SMARCA4: variants seen among roughly 807,000 people sequenced by gnomAD.
SMARCA4 encodes the protein SWI/SNF-related matrix-associated actin-dependent regulator of chromatin subfamily A member 4.
SMARCA4 carries 31 observed loss-of-function variants against 193.9 expected under a neutral mutation model. That is an observed-to-expected ratio of 0.16 (90% CI 0.12 to 0.22). SMARCA4 has a LOEUF of 0.22. SMARCA4 is among the 10% of genes least tolerant of loss of function. SMARCA4 has a pLI of 1.00. For synonymous variants in SMARCA4, 942 were observed against 933.1 expected (o/e 1.01, Z -0.17); for missense variants, 1,148 against 2,296.0 (o/e 0.50, Z 10.22).
chr19:11,020,333 G>A (rs915329215), intron 18 of SMARCA4, among the ~76,000 whole-genome samples: 1 of 152,118 alleles, frequency 6.6e-6, no homozygotes, highest in African/African-American at 2.4e-5. Context: ...CCTCATTTGA[G>A]GAGGGGTAAA....
At chr19:11,011,046 G>A in intron 15 of SMARCA4, 1 of 225,492 alleles carries the variant, frequency 4.4e-6, no homozygotes, top group East Asian at 9.9e-5. Flanking sequence ...GTGTGAGGGT[G>A]AAAAGTTGGT....
chr19:11,017,797 A>G (rs1600242447), intron 16 of SMARCA4, among the ~76,000 whole-genome samples: 1 of 152,190 alleles, frequency 6.6e-6, no homozygotes, highest in African/African-American at 2.4e-5. Context: ...GCCATCAGGG[A>G]CCCAGCCTCC....
chr19:11,005,512 T>G (rs1192778373), intron 13 of SMARCA4, among the ~76,000 whole-genome samples: 4 of 152,296 alleles, frequency 2.6e-5, no homozygotes, highest in Non-Finnish European at 5.9e-5. Flanking sequence ...CATTGTCGGG[T>G]TCTCCCTGGC....
chr19:11,022,490 T>C (rs1311991798), intron 19 of SMARCA4, among the ~76,000 whole-genome samples: 3 of 152,230 alleles, frequency 2.0e-5, no homozygotes, highest in Admixed American at 6.5e-5. Flanking sequence ...AGCATCATCA[T>C]TGATGAGTGG....
At chr19:11,060,354 G>T in intron 34 of SMARCA4, 167 bp downstream of exon 34, 1 of 845,364 alleles carries the variant, frequency 1.2e-6, no homozygotes, top group South Asian at 1.6e-5. Context: ...CCAGTATGTG[G>T]CAGGGCTGCC....
Position 11,041,215 on chromosome 19 carries a change from C to T in SMARCA4, c.4171-92C>T, listed in dbSNP as rs919558400. On this transcript the variant is annotated intron_variant, in intron 29 of 34. Transcript: ENST00000344626. This position sits in a 1 kb window ranked among gnomAD's most constrained non-coding sequence, Gnocchi z 5.6. Reference sequence around the variant, plus strand: ...GAGAGCGGGTGCGGGGGCCCTCCTCCGTGTCCCAGCCCGGCCCCTGGGATT... The same window carrying T: ...GAGAGCGGGTGCGGGGGCCCTCCTCTGTGTCCCAGCCCGGCCCCTGGGATT... 2.1e-5 allele frequency: 29 copies of T among 1,402,392 alleles called. No homozygotes were observed. Among genetic ancestry groups the T allele is most frequent in the East Asian group, 4.6e-5 (2 of 43,474 alleles). 86.9% of individuals were successfully genotyped at this position (1,402,392 alleles called of 1,614,324 possible). A position where few individuals can be genotyped will look rare whatever the true frequency, so the allele number is the denominator to read the frequency against.
chr19:11,058,501 G>A lies in SMARCA4; in HGVS notation c.4533+138G>A. The A allele has an allele frequency of 1.4e-6, 1 of 734,940 alleles. No homozygotes were observed. Among genetic ancestry groups the A allele is most frequent in the Non-Finnish European group, 2.4e-6 (1 of 414,046 alleles). 45.5% of individuals were successfully genotyped at this position (734,940 alleles called of 1,614,324 possible). A position where few individuals can be genotyped will look rare whatever the true frequency, so the allele number is the denominator to read the frequency against. ...GCGGTGCCTTGGGCTACCTGGTTAGGGACCTGGTCGTGGGCTTTTGGGGTT... is the reference window on the plus strand; with the variant it reads ...GCGGTGCCTTGGGCTACCTGGTTAGAGACCTGGTCGTGGGCTTTTGGGGTT... On this transcript the variant is annotated intron_variant, in intron 31 of 34. Coordinates refer to ENST00000344626, the MANE Select transcript of SMARCA4 (RefSeq NM_003072.5). This position sits in a 1 kb window ranked among gnomAD's most constrained non-coding sequence, Gnocchi z 5.8.
At position 10,986,995 on chromosome 19, in the gene SMARCA4, G is replaced by T. The variant is rs2145798042; in HGVS notation, c.851G>T (p.Trp284Leu). The T allele has an allele frequency of 6.2e-7, 1 of 1,603,902 alleles. No homozygotes were observed. ...GQPPGGPPKP[W>L]PEGPMANAAA... ...CCTCCTGGAGGGCCTCCCAAGCCCT[G>T]GCCTGAAGGTGAGCTCCCTCTTCTA... The change falls in exon 5 of 35, where the codon TGG becomes TTG. Residue 284 changes from tryptophan (W) to leucine (L), a missense_variant. By Grantham distance (61) the Trp-to-Leu change is moderately conservative. Around this residue, in one of 17 missense-constraint regions of SMARCA4, gnomAD observed 257 missense variants for 276.5 expected, o/e 0.93. Transcript: ENST00000344626. This position sits in a 1 kb window ranked among gnomAD's most constrained non-coding sequence, Gnocchi z 6.7.
At chr19:11,057,275 C>A (rs898039823) in intron 30 of SMARCA4, among the ~76,000 whole-genome samples, 1 of 152,226 alleles carries the variant, frequency 6.6e-6, no homozygotes, top group African/African-American at 2.4e-5. Flanking sequence ...TCCCCACCCA[C>A]CCTGTCCTGC....
chr19:11,024,375 G>A lies in SMARCA4; in HGVS notation c.3018G>A (p.Val1006=), dbSNP rs752405804. ...IKCDMSALQR[V]LYRHMQAKGV... ...GCGACATGTCTGCGCTGCAGCGAGT[G>A]CTCTACCGCCACATGCAGGCCAAGG... Residue 1006 remains valine (V), a synonymous_variant, in exon 21 of 35, where the codon GTG becomes GTA. Coordinates refer to ENST00000344626, the MANE Select transcript of SMARCA4 (RefSeq NM_003072.5). 8 of 1,613,054 alleles carry A rather than the reference G, an allele frequency of 5.0e-6. No homozygotes were observed. In the African/African-American group the frequency reaches 1.1e-4, roughly 22 times the overall value.
intron 30 of SMARCA4, among the ~76,000 whole-genome samples, chr19:11,046,407 A>G (rs1206670150): frequency 6.6e-6 from 1 of 152,194 alleles, no homozygotes; most frequent in African/African-American, 2.4e-5. Context: ...AGGATGCCTC[A>G]GTGGGGGATT....
intron 11 of SMARCA4, among the ~76,000 whole-genome samples, chr19:10,999,277 C>A (rs2087394845): frequency 6.6e-6 from 1 of 152,060 alleles, no homozygotes; most frequent in South Asian, 2.1e-4. Context: ...TGCTAGTGGG[C>A]CATCACTGCT....
intron 16 of SMARCA4, chr19:11,015,861 A>G (rs2089306147): frequency 1.3e-5 from 2 of 152,110 alleles, no homozygotes; most frequent in African/African-American, 4.8e-5. Context: ...ACAAAAAAAA[A>G]TTAGCCAGGC....
chr19:10,981,050 C>T (rs1321502187), intron 1 of SMARCA4, among the ~76,000 whole-genome samples: 1 of 152,208 alleles, frequency 6.6e-6, no homozygotes, highest in East Asian at 1.9e-4. Flanking sequence ...TTGTATTTTG[C>T]TGTCAGTTTC....
Position 11,019,335 on chromosome 19 carries a change from C to T in SMARCA4, c.2506-256C>T, listed in dbSNP as rs980848245. ...TCAGCCACCAGGAATGTGCAGATGG[C>T]GGTGCAGGCTGCGTGGTTCCCTCAG... is the stretch of plus-strand genomic sequence containing the variant. On this transcript the variant is annotated intron_variant, in intron 17 of 34. Coordinates refer to ENST00000344626, the MANE Select transcript of SMARCA4 (RefSeq NM_003072.5). This position sits in a 1 kb window ranked among gnomAD's most constrained non-coding sequence, Gnocchi z 6.1. 8.3e-6 allele frequency: 5 copies of T among 603,922 alleles called. No homozygotes were observed. Among genetic ancestry groups the T allele is most frequent in the Non-Finnish European group, 1.5e-5 (5 of 338,658 alleles). The allele number at this position is 603,922 out of a possible 1,614,324, so 37.4% of individuals were successfully genotyped here.
intron 14 of SMARCA4, among the ~76,000 whole-genome samples, chr19:11,010,041 G>T (rs560239025): frequency 7.2e-5 from 11 of 152,096 alleles, no homozygotes; most frequent in African/African-American, 2.7e-4. Context: ...GGCCAGGCTG[G>T]TCTTGATCTC....
chr19:10,995,774 T>G, intron 9 of SMARCA4: 1 of 360,474 alleles, frequency 2.8e-6, no homozygotes, highest in Non-Finnish European at 5.5e-6. Context: ...TTGGGAGGAC[T>G]CTGGGTTGAG....
At chr19:11,026,246 G>T in intron 22 of SMARCA4, 54 bp from the exon 23 acceptor site, 1 of 1,443,856 alleles carries the variant, frequency 6.9e-7, no homozygotes, top group South Asian at 1.1e-5. Flanking sequence ...GACCGCAGCG[G>T]GGCCCGGTGG....
chr19:10,998,664 T>A (rs974922971), intron 11 of SMARCA4, among the ~76,000 whole-genome samples: 22 of 152,142 alleles, frequency 1.4e-4, no homozygotes, highest in African/African-American at 5.1e-4. Context: ...TGCCAACCCC[T>A]GGTGTAGACT....
Sources: gnomAD v4.1 joint callset for allele counts (sites outside exome capture counted in the v4.1 genomes callset) on GRCh38, gnomAD v4.1.1 for gene constraint, gnomAD v4.1.1 regional missense constraint, Gnocchi (gnomAD v3.1) non-coding constraint, MANE v1.5 for transcripts, NCBI Gene and HGNC (gene_info 2026-07-23, HGNC 2026-07-21) for gene names.